SNAPC5: variants seen among roughly 807,000 people sequenced by gnomAD.
SNAPC5 encodes the protein small nuclear RNA activating complex polypeptide 5, also known as snRNA-activating protein complex subunit 5.
Under a neutral mutation model 9.1 loss-of-function variants are expected in SNAPC5, and 12 were observed. The ratio of observed to expected loss-of-function variants is 1.32; its 90% confidence interval spans 0.85 to 2.15. The LOEUF (loss-of-function observed/expected upper bound fraction) is 2.15, where lower values mean the gene tolerates loss of function less well. Ranked by LOEUF, SNAPC5 falls within the 30% of genes most tolerant of loss-of-function variation. The pLI, the probability that SNAPC5 is intolerant of heterozygous loss-of-function variation, is 0.00. For synonymous variants in SNAPC5, 52 were observed against 47.3 expected (o/e 1.10, Z -0.41); for missense variants, 132 against 114.4 (o/e 1.15, Z -0.70).
downstream of SNAPC5, chr15:66,490,016 G>GC (rs1893192647): frequency 5.1e-6 from 3 of 590,234 alleles, no homozygotes; most frequent in Non-Finnish European, 9.0e-6. Flanking sequence ...GAAAGAAAAG[G>GC]CCAGCCCACC....
downstream of SNAPC5, chr15:66,490,405 C>A: frequency 1.1e-6 from 1 of 912,446 alleles, no homozygotes; most frequent in Non-Finnish European, 1.8e-6. Context: ...AAGTGCAGCA[C>A]AAGCTCTAGA....
downstream of SNAPC5, chr15:66,491,775 C>T (rs141699057): frequency 7.2e-4 from 258 of 359,770 alleles, 1 homozygote; most frequent in African/African-American, 5.3e-3. Context: ...CAACCACCTT[C>T]CTTGTGGGAC....
chr15:66,491,071 C>T (rs181853123), downstream of SNAPC5: 2 of 353,386 alleles, frequency 5.7e-6, no homozygotes, highest in East Asian at 9.4e-5. Flanking sequence ...GCATGTGAAG[C>T]ATGCTTTGCT....
At chr15:66,490,128 T>C (rs1893198608), downstream of SNAPC5, 1 of 514,408 alleles carries the variant, frequency 1.9e-6, no homozygotes, top group Non-Finnish European at 3.5e-6. Context: ...TTGGTGGCAG[T>C]GGAAATAGCT....
At position 66,497,608 on chromosome 15, in the gene SNAPC5, A is replaced by G. The variant is rs562270269; in HGVS notation, c.90+34T>C. 5.4e-5 allele frequency: 85 copies of G among 1,587,964 alleles called. No homozygotes were observed. The South Asian group carries it at 8.4e-4, about 16-fold the overall frequency. ...GGGGGGAAATGGTCGCTCGGGAGGA[A>G]TGGAGGAGGGGCAGGAGAGGGCCGC... On this transcript the variant is annotated intron_variant, in intron 1 of 2. Transcript: ENST00000316634.
intron 1 of SNAPC5, among the ~76,000 whole-genome samples, chr15:66,496,674 C>A (rs1254058429): frequency 6.6e-6 from 1 of 152,018 alleles, no homozygotes; most frequent in African/African-American, 2.4e-5. Context: ...AGGCACGCAC[C>A]ACCACGCTCA....
chr15:66,491,019 TTC>T (rs1414390821), downstream of SNAPC5: 6 of 422,792 alleles, frequency 1.4e-5, no homozygotes, highest in African/African-American at 1.2e-4. Context: ...TGGGCATACT[TTC>T]TCTCTAGGAG....
At chr15:66,490,796 T>A, downstream of SNAPC5, 1 of 685,582 alleles carries the variant, frequency 1.5e-6, no homozygotes, top group Middle Eastern at 2.4e-4. Context: ...TTTATTCTTA[T>A]TACTATTATT....
rs201079215 is a variant in SNAPC5, at chr15:66,493,670, A to C, written c.*766T>G. ...ACTCCGTCTCAAACAAAACAAAACAAAAAACAAAACAAAAAATCCAGTCTT... is the reference window on the plus strand; with the variant it reads ...ACTCCGTCTCAAACAAAACAAAACACAAAACAAAACAAAAAATCCAGTCTT... On this transcript the variant is annotated 3_prime_UTR_variant, in exon 3 of 3. Coordinates refer to ENST00000316634, the MANE Select transcript of SNAPC5 (RefSeq NM_001329615.2). 3 of 132,536 alleles carry C rather than the reference A, an allele frequency of 2.3e-5. No individual in the cohort carries two copies. Among genetic ancestry groups the C allele is most frequent in the African/African-American group, 8.0e-5 (3 of 37,512 alleles). 8.2% of individuals were successfully genotyped at this position (132,536 alleles called of 1,614,324 possible).
chr15:66,495,839 G>A (rs544450567), intron 1 of SNAPC5, among the ~76,000 whole-genome samples: 1 of 152,334 alleles, frequency 6.6e-6, no homozygotes, highest in African/African-American at 2.4e-5. Context: ...AGGAAATCTG[G>A]GCTTTGGAGG....
At chr15:66,491,881 C>A, downstream of SNAPC5, 2 of 443,670 alleles carry the variant, frequency 4.5e-6, no homozygotes, top group Admixed American at 2.5e-5. Flanking sequence ...AATGACAAAA[C>A]ATTTCTTATC....
chr15:66,493,016 T>C (rs1262170083), downstream of SNAPC5, among the ~76,000 whole-genome samples: 1 of 152,246 alleles, frequency 6.6e-6, no homozygotes, highest in Non-Finnish European at 1.5e-5. Flanking sequence ...TTGATGCTTT[T>C]TGTTCCCAAA....
At chr15:66,495,270 C>T (rs1388454558) in intron 2 of SNAPC5, 60 bp downstream of exon 2, 2 of 975,106 alleles carry the variant, frequency 2.1e-6, no homozygotes, top group Non-Finnish European at 3.4e-6. Context: ...ACCACCCAAG[C>T]AGCATGGGAG....
downstream of SNAPC5, chr15:66,489,899 A>G: frequency 2.5e-6 from 2 of 803,698 alleles, no homozygotes; most frequent in Non-Finnish European, 4.4e-6. Flanking sequence ...GCTGCAGAAT[A>G]CCAAACACCA....
At chr15:66,490,769 T>A (rs1164884301), downstream of SNAPC5, 1 of 707,256 alleles carries the variant, frequency 1.4e-6, no homozygotes, top group African/African-American at 1.7e-5. Flanking sequence ...ACTCTTGTCA[T>A]TTTTAATATT....
intron 1 of SNAPC5, 125 bp from the exon 2 acceptor site, chr15:66,495,544 C>T (rs1893399613): frequency 1.5e-6 from 1 of 648,272 alleles, no homozygotes; most frequent in Non-Finnish European, 2.8e-6. Flanking sequence ...CTCTGTGTTG[C>T]TCTAGAGGGA....
In SNAPC5 at chr15:66,497,711, T is replaced by C. The variant is rs768748768; in HGVS notation, c.21A>G (p.Glu7=). Residue 7 remains glutamate, a synonymous_variant, in exon 1 of 3, where the codon GAA becomes GAG. Transcript: ENST00000316634. ...GCAGCGTCTCCTCCTCCTTGCGCAG[T>C]TCCTGAAGCCGGCTCAGCATGTTGC... is the stretch of plus-strand genomic sequence containing the variant. MLSRLQ[E]LRKEEETLLR... is the part of the protein sequence containing the mutation. 91 of 1,613,394 alleles carry C rather than the reference T, an allele frequency of 5.6e-5. No homozygotes were observed. Among genetic ancestry groups the C allele is most frequent in the Non-Finnish European group, 7.1e-5 (84 of 1,179,898 alleles).
chr15:66,491,893 C>T (rs1272256374), downstream of SNAPC5: 7 of 449,054 alleles, frequency 1.6e-5, no homozygotes, highest in Non-Finnish European at 2.7e-5. Flanking sequence ...TTTCTTATCT[C>T]ACAGAACATT....
chr15:66,496,228 G>A (rs1193044958), intron 1 of SNAPC5, among the ~76,000 whole-genome samples: 1 of 152,202 alleles, frequency 6.6e-6, no homozygotes, highest in African/African-American at 2.4e-5. Flanking sequence ...CACTTAGGGA[G>A]GAAGAGGCAG....
Sources: gnomAD v4.1 joint callset for allele counts (sites outside exome capture counted in the v4.1 genomes callset) on GRCh38, gnomAD v4.1.1 for gene constraint, MANE v1.5 for transcripts, NCBI Gene and HGNC (gene_info 2026-07-23, HGNC 2026-07-21) for gene names.